Variants in CTNNA3 observed in about 807,000 individuals in gnomAD.
CTNNA3 encodes catenin alpha 3.
Under a neutral mutation model 95.7 loss-of-function variants are expected in CTNNA3, and 76 were observed. The observed-to-expected ratio is 0.79, with a 90% CI of 0.66 to 0.96. The LOEUF (loss-of-function observed/expected upper bound fraction) is 0.96. Among genes scored for constraint, CTNNA3 ranks in the 40% least tolerant of loss-of-function variants. CTNNA3 has a pLI of 0.00. For synonymous variants in CTNNA3, 431 were observed against 374.4 expected (o/e 1.15, Z -1.74); for missense variants, 1,191 against 1,089.8 (o/e 1.09, Z -1.31).
intron 12 of CTNNA3, among the ~76,000 whole-genome samples, chr10:66,336,943 A>AT (rs1412484525): frequency 6.6e-6 from 1 of 151,990 alleles, no homozygotes; most frequent in Non-Finnish European, 1.5e-5. Flanking sequence ...TTAACTGTGG[A>AT]TTTTTTTCCA....
At chr10:66,786,032 G>A (rs1304679447) in intron 7 of CTNNA3, among the ~76,000 whole-genome samples, 5 of 152,082 alleles carry the variant, frequency 3.3e-5, no homozygotes, top group African/African-American at 9.7e-5. Flanking sequence ...GGTTGTGTCT[G>A]TCTACTGAAG....
chr10:66,829,612 C>CA (rs58624241), intron 7 of CTNNA3, among the ~76,000 whole-genome samples: 84,474 of 136,574 alleles, frequency 0.62, 25,015 homozygotes, highest in Admixed American at 0.66. Context: ...GACTCTGTCT[C>CA]AAAAAAAAAA....
intron 13 of CTNNA3, among the ~76,000 whole-genome samples, chr10:66,150,563 CA>C (rs2133904295): frequency 6.6e-6 from 1 of 151,290 alleles, no homozygotes; most frequent in African/African-American, 2.4e-5. Context: ...ATTTTGATAC[CA>C]GCATACGATG....
rs563293950 is a variant in CTNNA3, at chr10:66,577,742, A to T, written c.1374+43950T>A. 7.8e-4 allele frequency among the ~76,000 whole-genome samples: 119 copies of T among 152,134 alleles called. 1 individual carries two copies. The highest frequency in any genetic ancestry group is 2.8e-3 in the African/African-American group (116 of 41,498). Reference sequence around the variant, plus strand: ...TACTGCAGCCTTGTAGTATAGTTTTAAGTCAGGTAGTGTAACGCCTCTGGC... The same window carrying T: ...TACTGCAGCCTTGTAGTATAGTTTTTAGTCAGGTAGTGTAACGCCTCTGGC... On this transcript the variant is annotated intron_variant, in intron 10 of 17. Coordinates refer to ENST00000433211, the MANE Select transcript of CTNNA3 (RefSeq NM_013266.4).
chr10:66,630,588 C>A (rs1483135179), intron 9 of CTNNA3, among the ~76,000 whole-genome samples: 1 of 152,146 alleles, frequency 6.6e-6, no homozygotes, highest in African/African-American at 2.4e-5. Context: ...ACAGTAACTT[C>A]CATAGACAAA....
intron 11 of CTNNA3, among the ~76,000 whole-genome samples, chr10:66,499,764 G>C (rs1228634318): frequency 6.6e-6 from 1 of 151,092 alleles, no homozygotes; most frequent in Non-Finnish European, 1.5e-5. Context: ...AACTCCTAGA[G>C]ATCTTGGGAT....
In CTNNA3 at chr10:67,069,160, G is replaced by C. The variant is rs575572016; in HGVS notation, c.1047+111157C>G. On this transcript the variant is annotated intron_variant, in intron 7 of 17. Transcript: ENST00000433211. ...GGAAATGGGAGGTAAACTGGCAACA[G>C]TGAAAGTAGGCTATAGTCTCAAACT... is the stretch of plus-strand genomic sequence containing the variant. 2.6e-5 allele frequency among the ~76,000 whole-genome samples: 4 copies of C among 152,156 alleles called. No individual in the cohort carries two copies. The East Asian group carries it at 7.7e-4, about 29-fold the overall frequency.
intron 5 of CTNNA3, among the ~76,000 whole-genome samples, chr10:67,490,194 G>A (rs1848597271): frequency 6.6e-6 from 1 of 152,086 alleles, no homozygotes; most frequent in South Asian, 2.1e-4. Context: ...TGATGCTGTA[G>A]ACAATTTATG....
chr10:67,355,688 G>C (rs939070790), intron 5 of CTNNA3, among the ~76,000 whole-genome samples: 2 of 151,566 alleles, frequency 1.3e-5, no homozygotes, highest in South Asian at 4.2e-4. Flanking sequence ...TAAAAGTCAA[G>C]GTAGCTTTAA....
chr10:67,066,776 A>G (rs901111353), intron 7 of CTNNA3, among the ~76,000 whole-genome samples: 16 of 152,340 alleles, frequency 1.1e-4, no homozygotes, highest in African/African-American at 3.6e-4. Context: ...ATTCGATATT[A>G]TATTTAGTAC....
At chr10:67,472,723 T>G (rs1168162550) in intron 5 of CTNNA3, among the ~76,000 whole-genome samples, 1 of 152,188 alleles carries the variant, frequency 6.6e-6, no homozygotes. Flanking sequence ...GCTCTGCCTA[T>G]GGAGTAGCCT....
At chr10:65,981,308 T>C (rs1387920020) in intron 16 of CTNNA3, among the ~76,000 whole-genome samples, 2 of 152,022 alleles carry the variant, frequency 1.3e-5, no homozygotes, top group African/African-American at 4.8e-5. Flanking sequence ...GAAAGACTTC[T>C]ACAAGGAAAA....
intron 1 of CTNNA3, among the ~76,000 whole-genome samples, chr10:67,720,664 A>G (rs184053821): frequency 6.6e-6 from 1 of 152,212 alleles, no homozygotes; most frequent in East Asian, 1.9e-4. Flanking sequence ...CTTTTCTTTA[A>G]GAATGTTAGC....
chr10:67,048,693 C>T (rs1487217511), intron 7 of CTNNA3, among the ~76,000 whole-genome samples: 2 of 151,966 alleles, frequency 1.3e-5, no homozygotes, highest in African/African-American at 4.8e-5. Flanking sequence ...AGTAAATTTC[C>T]AGGATCAAAG....
chr10:65,996,709 C>G (rs10996815), intron 15 of CTNNA3, among the ~76,000 whole-genome samples: 42,007 of 151,972 alleles, frequency 0.28, 7,754 homozygotes, highest in African/African-American at 0.53. Context: ...AGGAGCCCAT[C>G]ATGGGAATGT....
chr10:67,380,180 G>A (rs887214780), intron 5 of CTNNA3, among the ~76,000 whole-genome samples: 5 of 152,126 alleles, frequency 3.3e-5, no homozygotes, highest in Non-Finnish European at 5.9e-5. Flanking sequence ...AGAGGTCTTA[G>A]AAACTAATTT....
chr10:67,087,560 AAAAAT>A (rs1857374714), intron 7 of CTNNA3, among the ~76,000 whole-genome samples: 1 of 151,906 alleles, frequency 6.6e-6, no homozygotes. Context: ...AGTTTTAAAT[AAAAAT>A]AATAAAGGAT....
intron 1 of CTNNA3, among the ~76,000 whole-genome samples, chr10:67,653,606 T>A (rs1839937904): frequency 6.6e-6 from 1 of 152,166 alleles, no homozygotes; most frequent in Non-Finnish European, 1.5e-5. Context: ...ATTTATCACA[T>A]TCCTTTTATG....
rs140631824 is a variant in CTNNA3, at chr10:67,682,066, G to C, written c.-6+13934C>G. ...GCAGCTACTCGGGAGGCTGAGGCAG[G>C]AGAATTGCTTGAACCCAGGAGGCAG... On this transcript the variant is annotated intron_variant, in intron 1 of 17. Transcript: ENST00000433211. Among the ~76,000 whole-genome samples the C allele has an allele frequency of 6.1e-4, 92 of 151,882 alleles. 2 individuals are homozygous for C. Among genetic ancestry groups the C allele is most frequent in the African/African-American group, 2.1e-3 (88 of 41,400 alleles).
Sources: gnomAD v4.1 joint callset for allele counts (sites outside exome capture counted in the v4.1 genomes callset) on GRCh38, gnomAD v4.1.1 for gene constraint, MANE v1.5 for transcripts, NCBI Gene and HGNC (gene_info 2026-07-23, HGNC 2026-07-21) for gene names.